Variants in LPP observed in about 807,000 individuals in gnomAD.
LPP encodes lipoma-preferred partner.
A neutral mutation model predicts 60.4 loss-of-function variants in LPP; 38 were observed. The observed-to-expected ratio is 0.63, with a 90% CI of 0.49 to 0.83. LPP has a LOEUF of 0.83. Ranked by LOEUF, LPP falls within the 40% of genes least tolerant of loss-of-function variation. The pLI, the probability that LPP is intolerant of heterozygous loss-of-function variation, is 0.00. For synonymous variants in LPP, 328 were observed against 290.8 expected (o/e 1.13, Z -1.30); for missense variants, 902 against 783.6 (o/e 1.15, Z -1.80).
At chr3:188,527,605 C>G (rs1287871449) in intron 6 of LPP, among the ~76,000 whole-genome samples, 1 of 152,158 alleles carries the variant, frequency 6.6e-6, no homozygotes, top group Admixed American at 6.5e-5. Flanking sequence ...TTCATACTTT[C>G]TGACCATTGC....
At chr3:188,252,302 C>T (rs1730114736) in intron 2 of LPP, among the ~76,000 whole-genome samples, 1 of 137,984 alleles carries the variant, frequency 7.2e-6, no homozygotes, top group African/African-American at 2.7e-5. Flanking sequence ...TTTTTTTTTG[C>T]ACTCCCTCTC....
At chr3:188,221,429 C>A (rs1715740154) in intron 1 of LPP, among the ~76,000 whole-genome samples, 1 of 152,184 alleles carries the variant, frequency 6.6e-6, no homozygotes, top group Non-Finnish European at 1.5e-5. Flanking sequence ...AGCACCTACA[C>A]CTGCTAGGTC....
chr3:188,388,001 G>GT (rs1253841689), intron 3 of LPP, among the ~76,000 whole-genome samples: 10 of 151,140 alleles, frequency 6.6e-5, no homozygotes, highest in South Asian at 6.3e-4. Context: ...TAAATATGTT[G>GT]TTTTTTTGGT....
At chr3:188,328,370 TAA>T (rs1759041958) in intron 2 of LPP, among the ~76,000 whole-genome samples, 1 of 152,198 alleles carries the variant, frequency 6.6e-6, no homozygotes, top group Non-Finnish European at 1.5e-5. Context: ...TTCTATAATA[TAA>T]AAAGTCATCT....
chr3:188,269,651 G>A (rs1364646829), intron 2 of LPP, among the ~76,000 whole-genome samples: 26 of 147,154 alleles, frequency 1.8e-4, no homozygotes, highest in African/African-American at 3.0e-4. Flanking sequence ...TTTTATGTGT[G>A]TGTGTGTGTG....
chr3:188,346,847 C>T (rs1764531429), intron 3 of LPP, among the ~76,000 whole-genome samples: 1 of 152,034 alleles, frequency 6.6e-6, no homozygotes, highest in Non-Finnish European at 1.5e-5. Context: ...TTGGATTTTC[C>T]CCGTAGTCAC....
intron 2 of LPP, among the ~76,000 whole-genome samples, chr3:188,245,068 A>G (rs1726393841): frequency 1.3e-5 from 2 of 152,034 alleles, no homozygotes; most frequent in South Asian, 4.2e-4. Context: ...GGCTTGTATT[A>G]GGGTAAATTG....
At chr3:188,777,411 T>C (rs1318105183) in intron 9 of LPP, among the ~76,000 whole-genome samples, 1 of 152,120 alleles carries the variant, frequency 6.6e-6, no homozygotes, top group Non-Finnish European at 1.5e-5. Flanking sequence ...GTAGTGGGCA[T>C]TGGGGGTATG....
chr3:188,505,797 A>G (rs1359902154), intron 5 of LPP, among the ~76,000 whole-genome samples: 1 of 152,092 alleles, frequency 6.6e-6, no homozygotes, highest in African/African-American at 2.4e-5. Flanking sequence ...CATTGCCTTC[A>G]TTCTATCTTT....
At chr3:188,745,722 A>C (rs1037135650) in intron 8 of LPP, among the ~76,000 whole-genome samples, 1 of 152,152 alleles carries the variant, frequency 6.6e-6, no homozygotes, top group Non-Finnish European at 1.5e-5. Flanking sequence ...ATGGGATAGA[A>C]ATGAAACAGA....
At chr3:188,722,329 T>C (rs1164179626) in intron 8 of LPP, among the ~76,000 whole-genome samples, 2 of 152,206 alleles carry the variant, frequency 1.3e-5, no homozygotes. Context: ...TGTTTACTAA[T>C]GGTAACTGGC....
chr3:188,356,082 A>G (rs1487322340), intron 3 of LPP, among the ~76,000 whole-genome samples: 2 of 152,286 alleles, frequency 1.3e-5, no homozygotes, highest in Admixed American at 1.3e-4. Context: ...ACTTTAACTT[A>G]TAGCGCGGAT....
intron 8 of LPP, among the ~76,000 whole-genome samples, chr3:188,717,547 G>A (rs1042347759): frequency 6.6e-6 from 1 of 152,202 alleles, no homozygotes; most frequent in Non-Finnish European, 1.5e-5. Context: ...AAGTGGCTTA[G>A]AGAGAAGGTT....
intron 2 of LPP, among the ~76,000 whole-genome samples, chr3:188,251,125 C>T (rs1246972450): frequency 6.9e-6 from 1 of 145,518 alleles, no homozygotes; most frequent in Non-Finnish European, 1.5e-5. Flanking sequence ...TTTCCTCTTT[C>T]TTTCTTTCTT....
Position 188,875,013 on chromosome 3 carries a change from T to C in LPP, c.*534T>C, listed in dbSNP as rs1769082902. 8.9e-6 allele frequency: 2 copies of C among 223,734 alleles called. No individual in the cohort carries two copies. Among genetic ancestry groups the C allele is most frequent in the East Asian group, 1.3e-4 (2 of 15,312 alleles). The allele number at this position is 223,734 out of a possible 1,614,324, so 13.9% of individuals were successfully genotyped here. A position where few individuals can be genotyped will look rare whatever the true frequency, so the allele number is the denominator to read the frequency against. On this transcript the variant is annotated 3_prime_UTR_variant, in exon 12 of 12. Transcript: ENST00000617246. Reference sequence around the variant, plus strand: ...TTGGGGAGGGAAATGCACAATTTTTTTTTGTTAGGCTGTAAAGAATTTAAG... The same window carrying C: ...TTGGGGAGGGAAATGCACAATTTTTCTTTGTTAGGCTGTAAAGAATTTAAG...
At position 188,860,895 on chromosome 3, in the gene LPP, T is replaced by C. The variant is rs183468976; in HGVS notation, c.1411-5305T>C. 1.6e-3 allele frequency among the ~76,000 whole-genome samples: 244 copies of C among 152,342 alleles called. 2 individuals are homozygous for C. Among genetic ancestry groups the C allele is most frequent in the African/African-American group, 5.4e-3 (223 of 41,590 alleles). On this transcript the variant is annotated intron_variant, in intron 9 of 11. Transcript: ENST00000617246. ...TCTTCTTTCTATTTGAAATACAGTG[T>C]GTGTCTACCGATATACAGATTCCAT...
At chr3:188,656,280 G>A (rs930008767) in intron 7 of LPP, among the ~76,000 whole-genome samples, 35 of 151,652 alleles carry the variant, frequency 2.3e-4, no homozygotes, top group Non-Finnish European at 4.3e-4. Flanking sequence ...GGCCTCAGAG[G>A]AAGGGTTCTG....
chr3:188,207,227 C>CT (rs1733514240), intron 1 of LPP, among the ~76,000 whole-genome samples: 3 of 108,722 alleles, frequency 2.8e-5, no homozygotes, highest in African/African-American at 1.0e-4. Context: ...TTTTTTTTTT[C>CT]TTTTCTTTTT....
chr3:188,453,334 A>C (rs1322082543), intron 4 of LPP, among the ~76,000 whole-genome samples: 1 of 151,910 alleles, frequency 6.6e-6, no homozygotes. Flanking sequence ...ACAGGGTCTC[A>C]CTCCGATCAC....
Sources: allele counts gnomAD v4.1 joint callset (sites outside exome capture counted in the v4.1 genomes callset), GRCh38; gene constraint gnomAD v4.1.1; transcripts MANE v1.5; gene names NCBI Gene and HGNC (gene_info 2026-07-23, HGNC 2026-07-21).